Variants in FHIT observed in about 807,000 individuals in gnomAD.
FHIT encodes the protein bis(5'-adenosyl)-triphosphatase.
FHIT carries 19 observed loss-of-function variants against 17.9 expected under a neutral mutation model. The ratio of observed to expected loss-of-function variants is 1.06; its 90% CI spans 0.74 to 1.56. The LOEUF (loss-of-function observed/expected upper bound fraction) is 1.56. Ranked by LOEUF, FHIT falls within the 40% of genes most tolerant of loss-of-function variation. FHIT has a pLI of 0.00. For synonymous variants in FHIT, 81 were observed against 69.7 expected, an observed-to-expected ratio of 1.16 and a Z score of -0.81; for missense variants, 248 against 189.2, an observed-to-expected ratio of 1.31 and a Z score of -1.82.
chr3:60,192,688 G>C (rs1371389557), intron 5 of FHIT, among the ~76,000 whole-genome samples: 3 of 152,092 alleles, frequency 2.0e-5, no homozygotes, highest in African/African-American at 4.8e-5. Context: ...CCCAGGATCT[G>C]AACTTCTGGA....
At chr3:60,901,670 T>C (rs1375528955) in intron 3 of FHIT, among the ~76,000 whole-genome samples, 1 of 152,216 alleles carries the variant, frequency 6.6e-6, no homozygotes, top group African/African-American at 2.4e-5. Flanking sequence ...TCTGATATCT[T>C]TGAAAGATTG....
intron 4 of FHIT, among the ~76,000 whole-genome samples, chr3:60,610,508 C>T (rs1483347804): frequency 1.3e-5 from 2 of 152,078 alleles, no homozygotes; most frequent in Non-Finnish European, 2.9e-5. Context: ...GTTTTAGGGG[C>T]TTTGAACATG....
At chr3:60,572,560 ACT>A (rs1256920596) in intron 4 of FHIT, among the ~76,000 whole-genome samples, 1 of 151,884 alleles carries the variant, frequency 6.6e-6, no homozygotes, top group Non-Finnish European at 1.5e-5. Context: ...ACACACACAC[ACT>A]CTATCTACAG....
intron 3 of FHIT, among the ~76,000 whole-genome samples, chr3:60,904,424 T>C (rs948580883): frequency 2.0e-5 from 3 of 151,386 alleles, no homozygotes; most frequent in Non-Finnish European, 1.5e-5. Flanking sequence ...CATGAGAGAA[T>C]TTCTGTACAA....
chr3:60,963,018 T>C (rs1405441635), intron 3 of FHIT, among the ~76,000 whole-genome samples: 1 of 152,180 alleles, frequency 6.6e-6, no homozygotes, highest in East Asian at 1.9e-4. Flanking sequence ...CCGCTCCTCT[T>C]TGTACCTCCG....
chr3:60,459,122 G>C (rs972931929), intron 5 of FHIT, among the ~76,000 whole-genome samples: 1 of 152,090 alleles, frequency 6.6e-6, no homozygotes, highest in African/African-American at 2.4e-5. Context: ...TTTTTATAAT[G>C]TGTTTAGATG....
intron 2 of FHIT, among the ~76,000 whole-genome samples, chr3:61,046,926 T>A (rs1359608776): frequency 6.6e-6 from 1 of 152,140 alleles, no homozygotes; most frequent in Non-Finnish European, 1.5e-5. Flanking sequence ...GAAAAAGCCT[T>A]CGAAAAAATT....
chr3:61,196,110 T>C (rs1166487481), intron 2 of FHIT, among the ~76,000 whole-genome samples: 4 of 152,124 alleles, frequency 2.6e-5, no homozygotes, highest in Non-Finnish European at 5.9e-5. Context: ...CAGAGAGCTA[T>C]TGCTAAAATT....
chr3:60,658,936 G>T (rs967510390), intron 4 of FHIT, among the ~76,000 whole-genome samples: 1 of 149,214 alleles, frequency 6.7e-6, no homozygotes, highest in Non-Finnish European at 1.5e-5. Context: ...TACAGAGCAT[G>T]TGTAGTGGTA....
chr3:60,723,610 G>C (rs2041856196), intron 4 of FHIT, among the ~76,000 whole-genome samples: 1 of 152,224 alleles, frequency 6.6e-6, no homozygotes, highest in Non-Finnish European at 1.5e-5. Context: ...CTGTGTGACT[G>C]CATTGGAAGA....
intron 4 of FHIT, among the ~76,000 whole-genome samples, chr3:60,750,663 CTCTT>C (rs2108030295): frequency 6.6e-6 from 1 of 152,234 alleles, no homozygotes; most frequent in East Asian, 1.9e-4. Flanking sequence ...TCCAATAAAC[CTCTT>C]TCTTTTGTAA....
At chr3:60,355,083 G>T (rs1699588622) in intron 5 of FHIT, among the ~76,000 whole-genome samples, 3 of 152,096 alleles carry the variant, frequency 2.0e-5, no homozygotes, top group African/African-American at 7.2e-5. Context: ...TCAAACAAAA[G>T]AAGGGTAAAT....
intron 5 of FHIT, among the ~76,000 whole-genome samples, chr3:60,360,382 G>C (rs79841852): frequency 0.047 from 7,163 of 152,186 alleles, 242 homozygotes; most frequent in Non-Finnish European, 0.071. Flanking sequence ...GAGAAAACAT[G>C]AGAGAAGGCA....
At chr3:60,852,308 C>T (rs1452121331) in intron 3 of FHIT, among the ~76,000 whole-genome samples, 6 of 152,092 alleles carry the variant, frequency 3.9e-5, no homozygotes, top group South Asian at 2.1e-4. Context: ...GGGTCCCTAG[C>T]TTGCCAATGC....
intron 5 of FHIT, among the ~76,000 whole-genome samples, chr3:60,158,110 C>T (rs1218898371): frequency 2.0e-5 from 3 of 151,960 alleles, no homozygotes; most frequent in Non-Finnish European, 2.9e-5. Flanking sequence ...TGATAAGGAA[C>T]AAAAGAAGAA....
chr3:60,921,056 C>T (rs2107314638), intron 3 of FHIT, among the ~76,000 whole-genome samples: 1 of 152,274 alleles, frequency 6.6e-6, no homozygotes, highest in South Asian at 2.1e-4. Flanking sequence ...CTAATGCATA[C>T]ACCGGAACTG....
At chr3:60,964,983 G>T (rs1709648944) in intron 3 of FHIT, among the ~76,000 whole-genome samples, 1 of 152,182 alleles carries the variant, frequency 6.6e-6, no homozygotes, top group African/African-American at 2.4e-5. Context: ...GGCCTGCCTT[G>T]CTAGGTTTGG....
intron 4 of FHIT, among the ~76,000 whole-genome samples, chr3:60,724,117 T>C (rs1331540334): frequency 1.3e-5 from 2 of 152,170 alleles, no homozygotes; most frequent in Non-Finnish European, 1.5e-5. Flanking sequence ...AAAGAAACCC[T>C]ATATCCATTT....
chr3:60,485,400 A>G (rs1409455501), intron 5 of FHIT, among the ~76,000 whole-genome samples: 2 of 152,170 alleles, frequency 1.3e-5, no homozygotes, highest in Non-Finnish European at 2.9e-5. Context: ...CTCAGAACCA[A>G]CTCAAATGCC....
Sources: allele counts gnomAD v4.1 joint callset (sites outside exome capture counted in the v4.1 genomes callset), GRCh38; gene constraint gnomAD v4.1.1; transcripts MANE v1.5; gene names NCBI Gene and HGNC (gene_info 2026-07-23, HGNC 2026-07-21).